Variants in FBXO34 observed in about 807,000 individuals in gnomAD.
FBXO34 encodes F-box only protein 34.
In FBXO34, 12 loss-of-function variants were observed where a neutral mutation model predicts 24.5. That is an observed-to-expected ratio of 0.49 (90% CI 0.31 to 0.79). FBXO34 has a LOEUF of 0.79. Among genes scored for constraint, FBXO34 ranks in the 30% least tolerant of loss-of-function variants. FBXO34 has a pLI of 0.04. For synonymous variants in FBXO34, 320 were observed against 311.9 expected, an observed-to-expected ratio of 1.03 and a Z score of -0.27; for missense variants, 823 against 857.7, an observed-to-expected ratio of 0.96 and a Z score of 0.51.
intron 1 of FBXO34, among the ~76,000 whole-genome samples, chr14:55,307,864 T>C (rs1318275204): frequency 1.3e-5 from 2 of 152,184 alleles, no homozygotes; most frequent in Non-Finnish European, 2.9e-5. Context: ...TTATTCCCAT[T>C]TTACTGATTC....
the FBXO34 span, among the ~76,000 whole-genome samples, chr14:55,425,449 G>A: frequency 6.6e-6 from 1 of 152,326 alleles, no homozygotes; most frequent in South Asian, 2.1e-4. Context: ...GTATGTAAAT[G>A]ATATTGAACT....
downstream of FBXO34, among the ~76,000 whole-genome samples, chr14:55,358,544 G>C (rs114462005): frequency 0.019 from 2,873 of 152,260 alleles, 88 homozygotes; most frequent in African/African-American, 0.061. Flanking sequence ...GAGGTCCTGA[G>C]GTTCTGGGAA....
chr14:55,330,549 G>A (rs185751945), intron 1 of FBXO34, among the ~76,000 whole-genome samples: 4 of 151,996 alleles, frequency 2.6e-5, no homozygotes, highest in African/African-American at 7.3e-5. Flanking sequence ...TCTGGGAGGC[G>A]GAGGTGGGAG....
the FBXO34 span, chr14:55,440,572 G>C: frequency 1.1e-3 from 1,763 of 1,562,222 alleles, 20 homozygotes; most frequent in African/African-American, 0.022. Context: ...AGCGAGGCGG[G>C]GCGGCCCTCG....
intron 1 of FBXO34, among the ~76,000 whole-genome samples, chr14:55,345,927 G>A (rs1324968705): frequency 6.6e-6 from 1 of 152,166 alleles, no homozygotes; most frequent in East Asian, 1.9e-4. Context: ...GATTGCTTGA[G>A]CCTGGGAGGT....
chr14:55,336,069 G>T (rs1016919344), intron 1 of FBXO34, among the ~76,000 whole-genome samples: 1 of 152,042 alleles, frequency 6.6e-6, no homozygotes, highest in African/African-American at 2.4e-5. Flanking sequence ...AAAGTTAAGT[G>T]CACTTATACA....
At chr14:55,305,492 C>G (rs1042700407) in intron 1 of FBXO34, among the ~76,000 whole-genome samples, 2 of 150,882 alleles carry the variant, frequency 1.3e-5, no homozygotes, top group East Asian at 1.9e-4. Context: ...GTCAGGAGTT[C>G]GAGACCAGCC....
chr14:55,396,621 A>G, the FBXO34 span, among the ~76,000 whole-genome samples: 1 of 152,196 alleles, frequency 6.6e-6, no homozygotes, highest in African/African-American at 2.4e-5. Flanking sequence ...AGATGCCACA[A>G]AAGAGACAAC....
At chr14:55,442,246 G>A in the FBXO34 span, among the ~76,000 whole-genome samples, 1 of 151,696 alleles carries the variant, frequency 6.6e-6, no homozygotes, top group East Asian at 2.0e-4. Flanking sequence ...AAAATTAGCT[G>A]GGCATGGTAG....
chr14:55,328,174 G>T (rs1316244543), intron 1 of FBXO34, among the ~76,000 whole-genome samples: 1 of 152,020 alleles, frequency 6.6e-6, no homozygotes, highest in Middle Eastern at 3.4e-3. Flanking sequence ...GGCCAGGCTG[G>T]TCTCGAACTC....
the FBXO34 span, among the ~76,000 whole-genome samples, chr14:55,416,096 G>C: frequency 6.6e-6 from 1 of 152,104 alleles, no homozygotes; most frequent in Non-Finnish European, 1.5e-5. Context: ...AGAGGGGAAT[G>C]GGGGGAATGG....
the FBXO34 span, chr14:55,424,189 T>A: frequency 2.9e-5 from 46 of 1,613,436 alleles, 1 homozygote; most frequent in East Asian, 1.0e-3. Flanking sequence ...GATACAAAGA[T>A]AAGCAACACA....
downstream of FBXO34, chr14:55,369,922 T>C (rs765249872): frequency 2.0e-6 from 3 of 1,471,480 alleles, no homozygotes; most frequent in South Asian, 2.3e-5. Flanking sequence ...CAAAGGGCCC[T>C]GACCTGTGTG....
At chr14:55,430,440 T>A in the FBXO34 span, among the ~76,000 whole-genome samples, 1 of 150,014 alleles carries the variant, frequency 6.7e-6, no homozygotes, top group Admixed American at 6.6e-5. Flanking sequence ...GGGTTTTTGC[T>A]CTGTTACCCA....
chr14:55,360,293 G>A (rs10146954), intron 3 of FBXO34, among the ~76,000 whole-genome samples: 4 of 152,044 alleles, frequency 2.6e-5, no homozygotes, highest in Admixed American at 2.6e-4. Context: ...GGCTGGTCTT[G>A]AACTCCTGAT....
At chr14:55,423,399 T>C in the FBXO34 span, among the ~76,000 whole-genome samples, 2 of 152,064 alleles carry the variant, frequency 1.3e-5, no homozygotes, top group African/African-American at 2.4e-5. Context: ...CATTTCTGAG[T>C]GTCCACACTA....
intron 1 of FBXO34, among the ~76,000 whole-genome samples, chr14:55,283,848 A>G (rs1244303201): frequency 1.3e-5 from 2 of 152,164 alleles, no homozygotes; most frequent in Non-Finnish European, 1.5e-5. Context: ...CCAAAAAAAT[A>G]CTAACTTTAC....
the FBXO34 span, chr14:55,428,696 G>A: frequency 3.5e-6 from 4 of 1,146,128 alleles, no homozygotes; most frequent in African/African-American, 1.6e-5. Context: ...TGTGTCCCCC[G>A]CCTTTTTTTT....
At chr14:55,391,549 A>G in the FBXO34 span, among the ~76,000 whole-genome samples, 1 of 152,142 alleles carries the variant, frequency 6.6e-6, no homozygotes, top group South Asian at 2.1e-4. Context: ...GTAAGCAAAG[A>G]GAAAAAAGTT....
Sources: gnomAD v4.1 joint callset for allele counts (sites outside exome capture counted in the v4.1 genomes callset) on GRCh38, gnomAD v4.1.1 for gene constraint, MANE v1.5 for transcripts, NCBI Gene and HGNC (gene_info 2026-07-23, HGNC 2026-07-21) for gene names.